TMEM132D: variants seen among roughly 807,000 people sequenced by gnomAD.
TMEM132D encodes the protein transmembrane protein 132D.
A neutral mutation model predicts 62.3 loss-of-function variants in TMEM132D; 21 were observed. The observed-to-expected ratio is 0.34, with a 90% CI of 0.24 to 0.49. The LOEUF is 0.49. Among genes scored for constraint, TMEM132D ranks in the 20% least tolerant of loss-of-function variants. The pLI, the probability that TMEM132D is intolerant of heterozygous loss-of-function variation, is 0.99. For missense variants in TMEM132D, 1,346 were observed against 1,402.8 expected (o/e 0.96, Z 0.65); for synonymous variants, 621 against 575.6 (o/e 1.08, Z -1.13).
At chr12:129,291,101 G>A (rs1433720883) in intron 4 of TMEM132D, among the ~76,000 whole-genome samples, 2 of 152,170 alleles carry the variant, frequency 1.3e-5, no homozygotes, top group Non-Finnish European at 2.9e-5. Flanking sequence ...TTCGTTGCAG[G>A]TATCTGGACT....
At chr12:129,818,110 G>A (rs2137322266) in intron 1 of TMEM132D, among the ~76,000 whole-genome samples, 1 of 144,172 alleles carries the variant, frequency 6.9e-6, no homozygotes, top group South Asian at 2.3e-4. Flanking sequence ...TTCTATGTAT[G>A]TGTATCTGTA....
chr12:129,668,025 T>A (rs1880417620), intron 2 of TMEM132D, among the ~76,000 whole-genome samples: 1 of 151,728 alleles, frequency 6.6e-6, no homozygotes, highest in Non-Finnish European at 1.5e-5. Flanking sequence ...GACAGTTTTA[T>A]AATCAGCTAT....
At chr12:129,553,864 G>A (rs1312762324) in intron 2 of TMEM132D, among the ~76,000 whole-genome samples, 1 of 152,114 alleles carries the variant, frequency 6.6e-6, no homozygotes, top group Admixed American at 6.5e-5. Flanking sequence ...CCCTAAGTAA[G>A]TTAACGCAAG....
At position 129,473,154 on chromosome 12, in the gene TMEM132D, C is replaced by T. The variant is rs187199508; in HGVS notation, c.1115+57905G>A. Among the ~76,000 whole-genome samples the T allele has an allele frequency of 4.0e-3, 603 of 152,084 alleles. 3 individuals are homozygous for T. The highest frequency in any genetic ancestry group is 0.014 in the African/African-American group (561 of 41,502). On this transcript the variant is annotated intron_variant, in intron 3 of 8. Transcript: ENST00000422113. ...CTGAGATTACAGGCGTGAGCCACTG[C>T]GCCCAGCCAAGACTTTTAAGACATT...
At chr12:129,221,251 GAGCCTCCATT>G (rs1879338267) in intron 4 of TMEM132D, among the ~76,000 whole-genome samples, 1 of 152,184 alleles carries the variant, frequency 6.6e-6, no homozygotes, top group African/African-American at 2.4e-5. Flanking sequence ...GGAGATGCTG[GAGCCTCCATT>G]AGCCTGGTTA....
At chr12:129,547,229 C>T (rs922103214) in intron 2 of TMEM132D, among the ~76,000 whole-genome samples, 4 of 152,124 alleles carry the variant, frequency 2.6e-5, no homozygotes, top group Admixed American at 2.0e-4. Flanking sequence ...TGTGTCTTCA[C>T]GGGGCCTTCC....
chr12:129,812,675 C>T (rs1181894728), intron 1 of TMEM132D, among the ~76,000 whole-genome samples: 3 of 151,768 alleles, frequency 2.0e-5, no homozygotes, highest in South Asian at 2.1e-4. Flanking sequence ...TGTATTGATA[C>T]GTGCCTCTCT....
intron 3 of TMEM132D, among the ~76,000 whole-genome samples, chr12:129,525,010 C>T (rs1356078245): frequency 3.6e-5 from 5 of 137,226 alleles, no homozygotes; most frequent in African/African-American, 5.5e-5. Flanking sequence ...ACTGCAAGCT[C>T]CGCCTCCCGG....
chr12:129,880,063 G>C (rs190106796), intron 1 of TMEM132D, among the ~76,000 whole-genome samples: 1 of 152,080 alleles, frequency 6.6e-6, no homozygotes, highest in Admixed American at 6.6e-5. Context: ...GGGACATCTT[G>C]ACACATCATG....
At chr12:129,396,742 ACACTC>A (rs1162273827) in intron 3 of TMEM132D, among the ~76,000 whole-genome samples, 1 of 152,136 alleles carries the variant, frequency 6.6e-6, no homozygotes, top group Non-Finnish European at 1.5e-5. Flanking sequence ...CCTAAACTCA[ACACTC>A]CACATAAAGG....
rs1000591300 is a variant in TMEM132D at position 129,877,615 on chromosome 12, A to G, written c.79+25646T>C. 3.0e-3 allele frequency among the ~76,000 whole-genome samples: 426 copies of G among 141,218 alleles called. 2 individuals carry two copies. Among genetic ancestry groups the G allele is most frequent in the African/African-American group, 0.011 (407 of 38,720 alleles). 92.6% of individuals were successfully genotyped at this position (141,218 alleles called of 152,430 possible). A position where few individuals can be genotyped will look rare whatever the true frequency, so the allele number is the denominator to read the frequency against. ...CTATTAACCAAACGCGCGCGCGCGC[A>G]CACACACACACACAGAGAGAGAGAG... On this transcript the variant is annotated intron_variant, in intron 1 of 8. Transcript: ENST00000422113.
intron 1 of TMEM132D, among the ~76,000 whole-genome samples, chr12:129,863,342 A>G (rs558540992): frequency 6.6e-6 from 1 of 152,216 alleles, no homozygotes; most frequent in South Asian, 2.1e-4. Flanking sequence ...GGAATCAAAG[A>G]GTACACCTGC....
At chr12:129,104,602 G>A (rs1165678969) in intron 5 of TMEM132D, among the ~76,000 whole-genome samples, 3 of 151,694 alleles carry the variant, frequency 2.0e-5, no homozygotes, top group Non-Finnish European at 4.4e-5. Context: ...AGAGTAAACA[G>A]GCAACCTACA....
At chr12:129,540,972 T>C (rs1291115563) in intron 2 of TMEM132D, among the ~76,000 whole-genome samples, 2 of 152,210 alleles carry the variant, frequency 1.3e-5, no homozygotes, top group Non-Finnish European at 2.9e-5. Flanking sequence ...TCTTTTCATA[T>C]ACTCTTCACC....
intron 1 of TMEM132D, among the ~76,000 whole-genome samples, chr12:129,864,683 G>A (rs757745800): frequency 7.9e-5 from 12 of 152,188 alleles, no homozygotes; most frequent in African/African-American, 2.9e-4. Context: ...ATCAAGCTAC[G>A]CCTGAAGGTT....
rs1315885131 is a variant in TMEM132D, at chr12:129,227,534, G to C, written c.1300-17871C>G. 3.4e-5 allele frequency among the ~76,000 whole-genome samples: 5 copies of C among 148,918 alleles called. No homozygotes were observed. The East Asian group carries it at 9.8e-4, about 29-fold the overall frequency. On this transcript the variant is annotated intron_variant, in intron 4 of 8. Coordinates refer to ENST00000422113, the MANE Select transcript of TMEM132D (RefSeq NM_133448.3). ...TTCTTAAGATTGATGTTTTTAAAGT[G>C]GAATTTCCAAGGAAGAGGAAACCAC...
intron 1 of TMEM132D, among the ~76,000 whole-genome samples, chr12:129,717,595 AT>A (rs1203366253): frequency 6.7e-6 from 1 of 150,328 alleles, no homozygotes; most frequent in Non-Finnish European, 1.5e-5. Flanking sequence ...GAAACACAGA[AT>A]ATGGGAAACA....
intron 1 of TMEM132D, among the ~76,000 whole-genome samples, chr12:129,782,488 AT>A (rs1871147130): frequency 6.6e-6 from 1 of 152,176 alleles, no homozygotes; most frequent in African/African-American, 2.4e-5. Context: ...TACCTGGCTT[AT>A]GGGATATCAT....
intron 1 of TMEM132D, among the ~76,000 whole-genome samples, chr12:129,756,746 AAAG>A (rs1487122402): frequency 6.6e-6 from 1 of 152,216 alleles, no homozygotes; most frequent in Non-Finnish European, 1.5e-5. Flanking sequence ...CCAATTCTCT[AAAG>A]AAGAATTCTA....
Sources: gnomAD v4.1 joint callset for allele counts (sites outside exome capture counted in the v4.1 genomes callset) on GRCh38, gnomAD v4.1.1 for gene constraint, MANE v1.5 for transcripts, NCBI Gene and HGNC (gene_info 2026-07-23, HGNC 2026-07-21) for gene names.